Variants in ASTN2 observed in about 807,000 individuals in gnomAD.
The protein encoded by ASTN2 is astrotactin 2.
In ASTN2, 54 loss-of-function variants were observed where a neutral mutation model predicts 139.8. The observed-to-expected ratio is 0.39, with a 90% CI of 0.31 to 0.48. The LOEUF (loss-of-function observed/expected upper bound fraction) is 0.48, where lower values mean the gene tolerates loss of function less well. ASTN2 is among the 20% of genes least tolerant of loss of function. The pLI, the probability that ASTN2 is intolerant of heterozygous loss-of-function variation, is 0.95. For synonymous variants in ASTN2, 756 were observed against 719.5 expected (o/e 1.05, Z -0.81); for missense variants, 1,565 against 1,725.1 (o/e 0.91, Z 1.64).
intron 12 of ASTN2, among the ~76,000 whole-genome samples, chr9:116,813,989 T>C (rs935208859): frequency 1.3e-5 from 2 of 150,292 alleles, no homozygotes; most frequent in African/African-American, 4.9e-5. Context: ...TGAACTGAGA[T>C]TGTGCCATTG....
intron 1 of ASTN2, among the ~76,000 whole-genome samples, chr9:117,367,394 G>T (rs1407803269): frequency 6.6e-6 from 1 of 152,154 alleles, no homozygotes; most frequent in African/African-American, 2.4e-5. Context: ...TGCTGGCTCT[G>T]CCACTTACCA....
At chr9:117,223,230 G>C (rs1040529514) in intron 2 of ASTN2, among the ~76,000 whole-genome samples, 10 of 152,086 alleles carry the variant, frequency 6.6e-5, no homozygotes, top group Non-Finnish European at 1.3e-4. Flanking sequence ...GTTCTCAACT[G>C]GTGGCAATTT....
Position 116,662,465 on chromosome 9 carries a change from C to G in ASTN2, c.2807-10672G>C, listed in dbSNP as rs986155225. On this transcript the variant is annotated intron_variant, in intron 16 of 22. Coordinates refer to ENST00000313400, the MANE Select transcript of ASTN2 (RefSeq NM_001365068.1). ...GTGGGCACCTGTAATCCCAGATACTCGGGAGGCTGAGGCAGGAGAATCACT... is the reference window on the plus strand; with the variant it reads ...GTGGGCACCTGTAATCCCAGATACTGGGGAGGCTGAGGCAGGAGAATCACT... 2.6e-5 allele frequency among the ~76,000 whole-genome samples: 4 copies of G among 151,778 alleles called. No homozygotes were observed. The South Asian group carries it at 8.3e-4, about 32-fold the overall frequency.
At chr9:116,642,001 C>G (rs1857353269) in intron 17 of ASTN2, among the ~76,000 whole-genome samples, 2 of 151,560 alleles carry the variant, frequency 1.3e-5, no homozygotes, top group South Asian at 4.2e-4. Flanking sequence ...TTTCTTAATC[C>G]CTAAACAAGG....
chr9:116,980,580 C>G (rs375015596), intron 7 of ASTN2, among the ~76,000 whole-genome samples: 1 of 152,118 alleles, frequency 6.6e-6, no homozygotes, highest in South Asian at 2.1e-4. Context: ...GTAGATCACT[C>G]ATCACTTCTG....
chr9:116,684,966 C>T (rs1466713455), intron 16 of ASTN2, among the ~76,000 whole-genome samples: 1 of 152,186 alleles, frequency 6.6e-6, no homozygotes, highest in Non-Finnish European at 1.5e-5. Flanking sequence ...ATAGTTTAAA[C>T]AAAGACAGTA....
chr9:117,337,906 CCTT>C (rs1828937479), intron 1 of ASTN2, among the ~76,000 whole-genome samples: 1 of 152,152 alleles, frequency 6.6e-6, no homozygotes, highest in African/African-American at 2.4e-5. Flanking sequence ...AATTAGCTCA[CCTT>C]CTCTCACACA....
chr9:117,368,310 C>T (rs1027061032), intron 1 of ASTN2, among the ~76,000 whole-genome samples: 3 of 151,758 alleles, frequency 2.0e-5, no homozygotes, highest in Non-Finnish European at 4.4e-5. Flanking sequence ...CACACATTCA[C>T]AATTTAATCT....
intron 10 of ASTN2, among the ~76,000 whole-genome samples, chr9:116,974,788 C>T (rs1179409803): frequency 2.6e-5 from 4 of 152,040 alleles, no homozygotes; most frequent in Non-Finnish European, 5.9e-5. Context: ...GGATTACAGG[C>T]GTGAGCCACC....
Position 116,487,369 on chromosome 9 carries a change from C to A in ASTN2, c.3487G>T (p.Gly1163Cys). The change falls in exon 20 of 23, where the codon GGT (glycine) becomes TGT (cysteine). Residue 1163 changes from glycine (G) to cysteine (C), a missense_variant. This residue lies in a region of ASTN2 where 418 missense variants were observed against 465.8 expected (regional missense o/e 0.90). Transcript: ENST00000313400. ...SVIFKCLEPDGLYKFTLYAVD... is the reference protein window; with the variant it reads ...SVIFKCLEPDCLYKFTLYAVD... ...CCCAACACATCTTACTTGTAGAGAC[C>A]GTCGGGCTCCAGACACTTGAAGATG... is the stretch of plus-strand genomic sequence containing the variant. 1 of 1,613,860 alleles carries A rather than the reference C, an allele frequency of 6.2e-7. No homozygotes were observed. Among genetic ancestry groups the A allele is most frequent in the Non-Finnish European group, 8.5e-7 (1 of 1,179,868 alleles).
chr9:116,480,857 C>T (rs1849145440), intron 20 of ASTN2, among the ~76,000 whole-genome samples: 1 of 152,122 alleles, frequency 6.6e-6, no homozygotes, highest in Non-Finnish European at 1.5e-5. Flanking sequence ...GAGAAGAACG[C>T]CAACCTGCTG....
chr9:117,299,900 C>T (rs1408512502), intron 1 of ASTN2, among the ~76,000 whole-genome samples: 5 of 152,042 alleles, frequency 3.3e-5, no homozygotes, highest in African/African-American at 1.2e-4. Context: ...TTTTGTGATC[C>T]CTCTACAGCA....
At chr9:116,782,436 T>G (rs1343981539) in intron 13 of ASTN2, among the ~76,000 whole-genome samples, 2 of 152,172 alleles carry the variant, frequency 1.3e-5, no homozygotes, top group Non-Finnish European at 2.9e-5. Context: ...CCATTCTTCT[T>G]TCTGCCTTTT....
At chr9:117,316,676 G>A (rs1019821181) in intron 1 of ASTN2, among the ~76,000 whole-genome samples, 18 of 152,090 alleles carry the variant, frequency 1.2e-4, no homozygotes, top group African/African-American at 3.1e-4. Flanking sequence ...TTGAATGACC[G>A]GAACACTCTA....
chr9:117,128,347 T>C (rs1829748035), intron 4 of ASTN2, among the ~76,000 whole-genome samples: 1 of 115,308 alleles, frequency 8.7e-6, no homozygotes, highest in South Asian at 3.0e-4. Context: ...CACTCCAGCC[T>C]GGTGACAGAG....
At chr9:117,252,577 TA>T (rs2133093369) in intron 2 of ASTN2, among the ~76,000 whole-genome samples, 1 of 152,306 alleles carries the variant, frequency 6.6e-6, no homozygotes, top group East Asian at 1.9e-4. Context: ...ACAAGGTCAT[TA>T]AATTAAAAAA....
intron 1 of ASTN2, among the ~76,000 whole-genome samples, chr9:117,379,732 G>A (rs1215281429): frequency 6.6e-6 from 1 of 152,062 alleles, no homozygotes; most frequent in Non-Finnish European, 1.5e-5. Context: ...TAAAACGAGA[G>A]AGAAAATTCA....
intron 19 of ASTN2, among the ~76,000 whole-genome samples, chr9:116,537,240 A>T (rs1374382272): frequency 1.3e-5 from 2 of 152,160 alleles, no homozygotes; most frequent in East Asian, 1.9e-4. Context: ...TCACACTGGG[A>T]GCTGTAGACT....
intron 1 of ASTN2, among the ~76,000 whole-genome samples, chr9:117,388,211 G>A: frequency 6.6e-6 from 1 of 152,206 alleles, no homozygotes; most frequent in Non-Finnish European, 1.5e-5. Context: ...ATGAGCACAT[G>A]TCTTGCTTTT....
Sources: gnomAD v4.1 joint callset for allele counts (sites outside exome capture counted in the v4.1 genomes callset) on GRCh38, gnomAD v4.1.1 for gene constraint, gnomAD v4.1.1 regional missense constraint, MANE v1.5 for transcripts, NCBI Gene and HGNC (gene_info 2026-07-23, HGNC 2026-07-21) for gene names.